Variants in ITPR2 observed in about 807,000 individuals in gnomAD.
ITPR2 encodes inositol 1,4,5-trisphosphate receptor type 2.
In ITPR2, 207 loss-of-function variants were observed where a neutral mutation model predicts 317.1. The ratio of observed to expected loss-of-function variants is 0.65; its 90% CI spans 0.58 to 0.73. ITPR2 has a LOEUF of 0.73. Among genes scored for constraint, ITPR2 ranks in the 30% least tolerant of loss-of-function variants. ITPR2 has a pLI of 0.00. For synonymous variants in ITPR2, 1,156 were observed against 1,149.1 expected (o/e 1.01, Z -0.12); for missense variants, 2,613 against 3,284.0 (o/e 0.80, Z 4.99).
chr12:26,342,430 C>A (rs1222246192), intron 55 of ITPR2, among the ~76,000 whole-genome samples: 1 of 141,842 alleles, frequency 7.1e-6, no homozygotes, highest in Non-Finnish European at 1.5e-5. Flanking sequence ...GTTCTCCAAA[C>A]CTCCTGTTGA....
intron 37 of ITPR2, among the ~76,000 whole-genome samples, chr12:26,529,567 C>A (rs1943898817): frequency 6.6e-6 from 1 of 152,156 alleles, no homozygotes; most frequent in Non-Finnish European, 1.5e-5. Context: ...AGACAGGTAG[C>A]AGAATAATTT....
chr12:26,703,194 C>T (rs1435300853), intron 9 of ITPR2, among the ~76,000 whole-genome samples: 2 of 152,180 alleles, frequency 1.3e-5, no homozygotes, highest in Non-Finnish European at 2.9e-5. Flanking sequence ...TACTGTGAGA[C>T]TTAGCATGGT....
chr12:26,348,015 C>T (rs538784666), intron 55 of ITPR2, among the ~76,000 whole-genome samples: 1 of 152,212 alleles, frequency 6.6e-6, no homozygotes, highest in Non-Finnish European at 1.5e-5. Flanking sequence ...AGACCATTTC[C>T]TAAGGTTTTT....
chr12:26,569,545 A>C (rs1945100863), intron 34 of ITPR2, among the ~76,000 whole-genome samples: 1 of 119,950 alleles, frequency 8.3e-6, no homozygotes, highest in African/African-American at 3.2e-5. Flanking sequence ...ACAGAGCAAG[A>C]CTCTGTCTCA....
chr12:26,570,045 C>T (rs1239682002), intron 34 of ITPR2, among the ~76,000 whole-genome samples: 2 of 152,166 alleles, frequency 1.3e-5, no homozygotes. Context: ...GAATGAGATA[C>T]TCACCCATTT....
intron 21 of ITPR2, among the ~76,000 whole-genome samples, chr12:26,649,683 A>G (rs1036855024): frequency 6.6e-6 from 1 of 152,102 alleles, no homozygotes; most frequent in African/African-American, 2.4e-5. Context: ...TTAAAACAAA[A>G]TTCTACCCTC....
intron 36 of ITPR2, 136 bp from the exon 37 acceptor site, chr12:26,550,491 G>GTT: frequency 1.7e-6 from 1 of 578,648 alleles, no homozygotes; most frequent in Non-Finnish European, 3.0e-6. Flanking sequence ...GTTTTCAAAA[G>GTT]TTTTAAGATC....
At chr12:26,655,475 G>A (rs1051123589) in intron 20 of ITPR2, among the ~76,000 whole-genome samples, 1 of 151,874 alleles carries the variant, frequency 6.6e-6, no homozygotes, top group African/African-American at 2.4e-5. Flanking sequence ...TTAGCCGGGC[G>A]TGGTGGCAGG....
intron 37 of ITPR2, among the ~76,000 whole-genome samples, chr12:26,527,026 C>T (rs1943825680): frequency 6.6e-6 from 1 of 152,110 alleles, no homozygotes; most frequent in South Asian, 2.1e-4. Flanking sequence ...CCAAACAGCC[C>T]CTAATGATCT....
chr12:26,392,307 T>C (rs1939875778), intron 54 of ITPR2, among the ~76,000 whole-genome samples: 1 of 152,198 alleles, frequency 6.6e-6, no homozygotes. Context: ...ACTCATGCAC[T>C]GACATTCCAC....
At chr12:26,591,181 C>T (rs558555670) in intron 32 of ITPR2, among the ~76,000 whole-genome samples, 1 of 151,722 alleles carries the variant, frequency 6.6e-6, no homozygotes, top group African/African-American at 2.4e-5. Context: ...TACAAACTGT[C>T]CATCTGGCAA....
At chr12:26,729,606 T>C (rs748477128) in intron 2 of ITPR2, among the ~76,000 whole-genome samples, 7 of 152,090 alleles carry the variant, frequency 4.6e-5, no homozygotes, top group Non-Finnish European at 5.9e-5. Flanking sequence ...ATATACACCA[T>C]GGAATACTAT....
intron 13 of ITPR2, 102 bp from the exon 14 acceptor site, chr12:26,666,153 G>GATAT: frequency 2.4e-6 from 1 of 420,760 alleles, no homozygotes; most frequent in Non-Finnish European, 3.7e-6. Flanking sequence ...TAGATAGATA[G>GATAT]ATAGATAGAT....
chr12:26,674,083 G>A (rs1221616337), intron 13 of ITPR2, among the ~76,000 whole-genome samples: 4 of 136,450 alleles, frequency 2.9e-5, no homozygotes, highest in African/African-American at 8.0e-5. Flanking sequence ...ATGCTCATGG[G>A]TAGGAAGAAT....
intron 37 of ITPR2, among the ~76,000 whole-genome samples, chr12:26,544,147 G>A (rs886542230): frequency 6.6e-6 from 1 of 152,024 alleles, no homozygotes; most frequent in Non-Finnish European, 1.5e-5. Flanking sequence ...ATCCCTAGAT[G>A]ATTTCACATA....
At chr12:26,460,890 G>T (rs757818073) in intron 45 of ITPR2, among the ~76,000 whole-genome samples, 3 of 152,112 alleles carry the variant, frequency 2.0e-5, no homozygotes, top group African/African-American at 4.8e-5. Flanking sequence ...GCCTAGATCT[G>T]TCTCATTTCA....
rs74072372 is a variant in ITPR2, at chr12:26,813,190, A to G, written c.92+19500T>C. ...AATTTTTAATAAAAAGCATTTTAGCAGTAAGATTTTCTAATTTCTGAGATC... is the reference window on the plus strand; with the variant it reads ...AATTTTTAATAAAAAGCATTTTAGCGGTAAGATTTTCTAATTTCTGAGATC... On this transcript the variant is annotated intron_variant, in intron 1 of 56. Coordinates refer to ENST00000381340, the MANE Select transcript of ITPR2 (RefSeq NM_002223.4). 9.3e-3 allele frequency among the ~76,000 whole-genome samples: 1,416 copies of G among 152,328 alleles called. 17 individuals are homozygous for G. The highest frequency in any genetic ancestry group is 0.032 in the African/African-American group (1,324 of 41,588).
rs367600360 is a variant in ITPR2, at chr12:26,415,394, G to A, written c.7215C>T (p.Leu2405=). 3.8e-5 allele frequency: 62 copies of A among 1,612,992 alleles called. 1 individual carries two copies. In the East Asian group the frequency reaches 1.1e-3, roughly 30 times the overall value. ...ACCCAATAATGGAAAACAGGTAGAC[G>A]AGGATGAGAGCCAGGACTGCAGTTA... ...IILTAVLALI[L]VYLFSIIGFL... Residue 2405 remains leucine (L), a synonymous_variant, in exon 51 of 57, where the codon CTC becomes CTT. Transcript: ENST00000381340.
chr12:26,510,004 G>GTGTGT (rs1555144482), intron 37 of ITPR2, among the ~76,000 whole-genome samples: 103 of 112,076 alleles, frequency 9.2e-4, no homozygotes, highest in Middle Eastern at 4.8e-3. Context: ...GTGTGTGTGT[G>GTGTGT]GTGGGGGGTG....
Sources: gnomAD v4.1 joint callset for allele counts (sites outside exome capture counted in the v4.1 genomes callset) on GRCh38, gnomAD v4.1.1 for gene constraint, MANE v1.5 for transcripts, NCBI Gene and HGNC (gene_info 2026-07-23, HGNC 2026-07-21) for gene names.